Variants in C19orf38 observed in about 807,000 individuals in gnomAD.
C19orf38 encodes protein HIDE1.
In C19orf38, 14 loss-of-function variants were observed where a neutral mutation model predicts 26.6. The ratio of observed to expected loss-of-function variants is 0.53; its 90% CI spans 0.35 to 0.82. The LOEUF (loss-of-function observed/expected upper bound fraction) is 0.82, where lower values mean the gene tolerates loss of function less well. C19orf38 is among the 40% of genes least tolerant of loss of function. The pLI, the probability that C19orf38 is intolerant of heterozygous loss-of-function variation, is 0.01. For synonymous variants in C19orf38, 132 were observed against 128.5 expected (o/e 1.03, Z -0.18); for missense variants, 261 against 299.5 (o/e 0.87, Z 0.95).
rs1433358051 is a variant in C19orf38 at position 10,857,366 on chromosome 19, A to ATATATT, written c.434-949_434-948insATATTT. 2.0e-3 allele frequency among the ~76,000 whole-genome samples: 111 copies of ATATATT among 56,068 alleles called. 6 individuals are homozygous for ATATATT. The highest frequency in any genetic ancestry group is 0.011 in the African/African-American group (62 of 5,810). 36.8% of individuals were successfully genotyped at this position (56,068 alleles called of 152,430 possible). ...TATATATATATATATATATATATATATTTTTTTTTTTTTTTTTTTAAGATG... is the reference window on the plus strand; with the variant it reads ...TATATATATATATATATATATATATATATATTTTTTTTTTTTTTTTTTTTTAAGATG... On this transcript the variant is annotated intron_variant, in intron 3 of 6. Transcript: ENST00000397820.
intron 2 of C19orf38, among the ~76,000 whole-genome samples, chr19:10,853,047 C>CAAA (rs530349055): frequency 2.4e-5 from 2 of 84,594 alleles, no homozygotes; most frequent in Admixed American, 2.6e-4. Context: ...CCTGTCTCTA[C>CAAA]AAAAAAAAAA....
At chr19:10,842,741 A>C (rs1383994223) in intron 1 of C19orf38, among the ~76,000 whole-genome samples, 1 of 152,100 alleles carries the variant, frequency 6.6e-6, no homozygotes, top group Non-Finnish European at 1.5e-5. Flanking sequence ...TGTCTCAAAA[A>C]AAAAAACCAG....
intron 2 of C19orf38, among the ~76,000 whole-genome samples, 163 bp downstream of exon 2, chr19:10,850,730 G>A (rs940068737): frequency 6.6e-6 from 1 of 152,176 alleles, no homozygotes; most frequent in African/African-American, 2.4e-5. Context: ...AGCCCAAAAG[G>A]GGATTTGTTG....
At chr19:10,842,246 C>G (rs2073483472) in intron 1 of C19orf38, 1 of 1,129,774 alleles carries the variant, frequency 8.9e-7, no homozygotes, top group African/African-American at 1.5e-5. Flanking sequence ...TCTTGGAAAA[C>G]ATAATTTGAA....
chr19:10,845,055 G>A (rs2073506504), upstream of C19orf38, among the ~76,000 whole-genome samples: 1 of 151,006 alleles, frequency 6.6e-6, no homozygotes, highest in African/African-American at 2.4e-5. Context: ...TACTTGGAAG[G>A]CTGAGGTGGG....
At chr19:10,868,392 T>C (rs1186680066) in intron 6 of C19orf38, among the ~76,000 whole-genome samples, 2 of 152,216 alleles carry the variant, frequency 1.3e-5, no homozygotes, top group Non-Finnish European at 2.9e-5. Flanking sequence ...TCTAGCAAAT[T>C]CATCTCTCTT....
rs567262377 is a variant in C19orf38, at chr19:10,867,140, G to A, written c.544-2078G>A. The stretch of plus-strand genomic sequence containing the variant: ...TGTCTCCGTGCAACACCCACTCCCC[G>A]TTGTCCCTCCCCCAGCCCCTGGCAC... On this transcript the variant is annotated intron_variant, in intron 6 of 6. Coordinates refer to ENST00000397820, the MANE Select transcript of C19orf38 (RefSeq NM_001136482.3). 9.8e-4 allele frequency among the ~76,000 whole-genome samples: 148 copies of A among 151,146 alleles called. 1 individual carries two copies. The highest frequency in any genetic ancestry group is 3.5e-3 in the African/African-American group (143 of 41,160).
chr19:10,853,167 A>G (rs1020791350), intron 2 of C19orf38, among the ~76,000 whole-genome samples: 1 of 151,796 alleles, frequency 6.6e-6, no homozygotes, highest in East Asian at 1.9e-4. Context: ...GGCTCAATCA[A>G]TCTTCCCTTC....
Position 10,842,043 on chromosome 19 carries a change from G to A in C19orf38, c.-69+5273G>A, listed in dbSNP as rs1477182023. The A allele has an allele frequency of 5.0e-6, 8 of 1,609,666 alleles. No individual in the cohort carries two copies. In the Admixed American group the frequency reaches 1.3e-4, roughly 27 times the overall value. ...GAATATTGTCCGAACTCCATCTGTT[G>A]CTCAGATTGGAATTTCAGTGGAATT... is the stretch of plus-strand genomic sequence containing the variant. On this transcript the variant is annotated intron_variant, in intron 1 of 7. Coordinates refer to the C19orf38 transcript ENST00000592854.
At chr19:10,858,550 C>T (rs1458894058) in intron 4 of C19orf38, among the ~76,000 whole-genome samples, 1 of 152,138 alleles carries the variant, frequency 6.6e-6, no homozygotes, top group Non-Finnish European at 1.5e-5. Flanking sequence ...ATCCTTATGG[C>T]AGCCCTGGAA....
At chr19:10,848,020 G>A (rs183430585), upstream of C19orf38, among the ~76,000 whole-genome samples, 17 of 151,928 alleles carry the variant, frequency 1.1e-4, no homozygotes, top group South Asian at 1.5e-3. Context: ...GCAAAACCCC[G>A]TCTCTACTAA....
upstream of C19orf38, among the ~76,000 whole-genome samples, chr19:10,846,290 G>A (rs905963678): frequency 1.8e-4 from 27 of 151,710 alleles, no homozygotes; most frequent in African/African-American, 6.3e-4. Flanking sequence ...TCTCCTTCCC[G>A]GGTTCACGCC....
At chr19:10,858,429 C>G (rs2073654317) in intron 4 of C19orf38, 86 bp downstream of exon 4, 7 of 1,272,884 alleles carry the variant, frequency 5.5e-6, no homozygotes, top group Non-Finnish European at 7.7e-6. Context: ...ATGCCCCCCA[C>G]AAACAGCGCC....
intron 1 of C19orf38, 80 bp downstream of exon 1, chr19:10,848,619 A>C: frequency 2.3e-6 from 3 of 1,317,054 alleles, no homozygotes; most frequent in Non-Finnish European, 3.1e-6. Context: ...AGGGGCAGAA[A>C]CCAGTGCAGG....
chr19:10,853,147 C>T lies in C19orf38; in HGVS notation c.340+2580C>T, dbSNP rs1732594589. ...GCGCAATCACAGCTCACTGCAGCCTCCACTTCCTGGGCTCAATCAATCTTC... is the reference window on the plus strand; with the variant it reads ...GCGCAATCACAGCTCACTGCAGCCTTCACTTCCTGGGCTCAATCAATCTTC... On this transcript the variant is annotated intron_variant, in intron 2 of 6. Transcript: ENST00000397820. 2.6e-5 allele frequency among the ~76,000 whole-genome samples: 4 copies of T among 151,950 alleles called. No homozygotes were observed. The South Asian group carries it at 8.3e-4, about 32-fold the overall frequency.
intron 6 of C19orf38, 29 bp from the exon 7 acceptor site, chr19:10,869,189 C>A: frequency 1.3e-6 from 2 of 1,551,466 alleles, no homozygotes; most frequent in Non-Finnish European, 1.7e-6. Flanking sequence ...AAATCACCCA[C>A]TTCTGTGTTT....
chr19:10,846,890 G>T (rs186179672), upstream of C19orf38, among the ~76,000 whole-genome samples: 52 of 152,324 alleles, frequency 3.4e-4, no homozygotes, highest in African/African-American at 1.2e-3. Flanking sequence ...TCCCAGAAGT[G>T]CTATTTAAAC....
chr19:10,852,800 G>A (rs967481116), intron 2 of C19orf38, among the ~76,000 whole-genome samples: 1 of 152,078 alleles, frequency 6.6e-6, no homozygotes, highest in African/African-American at 2.4e-5. Context: ...CCTGAGTGAG[G>A]GAACCCTGGC....
At chr19:10,863,917 CA>C (rs1387373670) in intron 6 of C19orf38, among the ~76,000 whole-genome samples, 2 of 151,972 alleles carry the variant, frequency 1.3e-5, no homozygotes, top group Non-Finnish European at 2.9e-5. Context: ...CCATCTAAAA[CA>C]AACAAACAGA....
Sources: allele counts gnomAD v4.1 joint callset (sites outside exome capture counted in the v4.1 genomes callset), GRCh38; gene constraint gnomAD v4.1.1; transcripts MANE v1.5; gene names NCBI Gene and HGNC (gene_info 2026-07-23, HGNC 2026-07-21).